The following DCAF7 variants were observed in gnomAD, a reference collection of about 807,000 sequenced individuals.
The protein encoded by DCAF7 is DDB1 and CUL4 associated factor 7, also known as DDB1- and CUL4-associated factor 7.
Under a neutral mutation model 41.2 loss-of-function variants are expected in DCAF7, and 4 were observed. That is an observed-to-expected ratio of 0.10 (90% CI 0.05 to 0.22). The LOEUF (loss-of-function observed/expected upper bound fraction) is 0.22. Ranked by LOEUF, DCAF7 falls within the 10% of genes least tolerant of loss-of-function variation. The probability of loss-of-function intolerance (pLI) is 1.00; values close to 1 mark genes in which losing one functional copy is unlikely to be tolerated. For synonymous variants in DCAF7, 143 were observed against 164.2 expected (o/e 0.87, Z 0.99); for missense variants, 131 against 443.2 (o/e 0.30, Z 6.32).
intron 6 of DCAF7, among the ~76,000 whole-genome samples, chr17:63,585,967 CA>C (rs537034761): frequency 1.3e-5 from 2 of 150,778 alleles, no homozygotes; most frequent in South Asian, 2.1e-4. Context: ...ACTAAAAATA[CA>C]AAAAAAATTA....
intron 1 of DCAF7, among the ~76,000 whole-genome samples, chr17:63,556,695 C>T (rs940856296): frequency 4.6e-5 from 7 of 151,570 alleles, no homozygotes; most frequent in South Asian, 2.1e-4. Context: ...GGTGAAACCC[C>T]GGCTCTACTA....
At chr17:63,577,315 T>C (rs2033573373) in intron 1 of DCAF7, among the ~76,000 whole-genome samples, 1 of 152,246 alleles carries the variant, frequency 6.6e-6, no homozygotes, top group African/African-American at 2.4e-5. Context: ...TACTGGTGTG[T>C]CTGAGACTGA....
At position 63,589,556 on chromosome 17, in the gene DCAF7, C is replaced by T. The variant is rs930168743; in HGVS notation, c.*384C>T. 8 of 277,840 alleles carry T rather than the reference C, an allele frequency of 2.9e-5. No homozygotes were observed. Among genetic ancestry groups the T allele is most frequent in the East Asian group, 1.8e-4 (2 of 10,850 alleles). 17.2% of individuals were successfully genotyped at this position (277,840 alleles called of 1,614,324 possible). A position where few individuals can be genotyped will look rare whatever the true frequency, so the allele number is the denominator to read the frequency against. On this transcript the variant is annotated 3_prime_UTR_variant, in exon 7 of 7. Transcript: ENST00000614556. ...CTGCCCAAGGCAGCAGTTCATGTCT[C>T]GTCCATGTCCATGTTCGTGTTAGCA...
intron 1 of DCAF7, among the ~76,000 whole-genome samples, chr17:63,558,580 C>T (rs1278792079): frequency 6.6e-6 from 1 of 152,148 alleles, no homozygotes; most frequent in Non-Finnish European, 1.5e-5. Context: ...CTCTGTCGCC[C>T]AGGCTAGAGT....
chr17:63,559,425 A>ATGTG (rs2033354846), intron 1 of DCAF7, among the ~76,000 whole-genome samples: 1 of 103,442 alleles, frequency 9.7e-6, no homozygotes, highest in Non-Finnish European at 1.7e-5. Context: ...ATATACGTAT[A>ATGTG]TATATATGTG....
In DCAF7 at chr17:63,589,206, T is replaced by C. The variant is rs768475109; in HGVS notation, c.*34T>C. 2 of 1,611,256 alleles carry C rather than the reference T, an allele frequency of 1.2e-6. No individual in the cohort carries two copies. Among genetic ancestry groups the C allele is most frequent in the Non-Finnish European group, 1.7e-6 (2 of 1,179,410 alleles). ...GCGCTGTGCCCACGAGGCAGGGGCT[T>C]TTGTATTTCCTGCCTCTGCCCCACC... On this transcript the variant is annotated 3_prime_UTR_variant, in exon 7 of 7. Transcript: ENST00000614556.
rs375459452 is a variant in DCAF7 at position 63,579,372 on chromosome 17, A to G, written c.333A>G (p.Leu111=). The G allele has an allele frequency of 1.9e-6, 3 of 1,608,420 alleles. No individual in the cohort carries two copies. Among genetic ancestry groups the G allele is most frequent in the Admixed American group, 3.4e-5 (2 of 59,262 alleles). ...CAGAGACCAGGCTGGAGTGTTTGCT[A>G]AACAATAATAAGAACTCTGATTTCT... is the stretch of plus-strand genomic sequence containing the variant. ...GETETRLECL[L]NNNKNSDFCA... Residue 111 remains leucine (L), a synonymous_variant, in exon 3 of 7, where the codon CTA becomes CTG. Transcript: ENST00000614556.
rs956952700 is a variant in DCAF7 at position 63,576,431 on chromosome 17, G to C, written c.139-2039G>C. ...CATTGCACTCCAGCCTGGGTGACAA[G>C]AGCAAAACTCCGTCTCAAAAGGAAA... On this transcript the variant is annotated intron_variant, in intron 1 of 6. Transcript: ENST00000614556. 3.3e-5 allele frequency among the ~76,000 whole-genome samples: 5 copies of C among 151,976 alleles called. No individual in the cohort carries two copies. The East Asian group carries it at 9.6e-4, about 29-fold the overall frequency.
rs1452776427 is a variant in DCAF7, at chr17:63,579,436, C to T, written c.397C>T (p.Pro133Ser). ...LTSFDWNEVD[P>S]YLLGTSSIDT... ...CTCCTTTGACTGGAATGAGGTGGAT[C>T]CTTATCTTTTAGGTAAGGGAGTTAG... The change falls in exon 3 of 7, where the codon CCT (proline) becomes TCT (serine). Residue 133 changes from proline to serine, a missense_variant. Physicochemically the swap from Pro to Ser is moderately conservative, Grantham distance 74 (BLOSUM62 -1). Transcript: ENST00000614556. 1 of 1,605,772 alleles carries T rather than the reference C, an allele frequency of 6.2e-7. No homozygotes were observed. Among genetic ancestry groups the T allele is most frequent in the Non-Finnish European group, 8.5e-7 (1 of 1,175,604 alleles).
At chr17:63,584,102 G>T (rs745430482) in intron 5 of DCAF7, among the ~76,000 whole-genome samples, 1 of 152,236 alleles carries the variant, frequency 6.6e-6, no homozygotes, top group African/African-American at 2.4e-5. Flanking sequence ...TGCCTATGGT[G>T]CTGAGTGAAA....
chr17:63,566,959 C>CT, intron 1 of DCAF7, among the ~76,000 whole-genome samples: 1 of 146,564 alleles, frequency 6.8e-6, no homozygotes, highest in East Asian at 1.9e-4. Flanking sequence ...TCTATTTAAG[C>CT]TTTTTTCTTT....
At position 63,590,205 on chromosome 17, in the gene DCAF7, A is replaced by G. The variant is rs750167206; in HGVS notation, c.*1033A>G. The G allele has an allele frequency of 2.0e-5, 3 of 152,480 alleles. No individual in the cohort carries two copies. Among genetic ancestry groups the G allele is most frequent in the Non-Finnish European group, 2.9e-5 (2 of 68,074 alleles). 9.4% of individuals were successfully genotyped at this position (152,480 alleles called of 1,614,324 possible). A position where few individuals can be genotyped will look rare whatever the true frequency, so the allele number is the denominator to read the frequency against. ...TGAACTTCGGTGCTTCTGTTGTTTG[A>G]GTTTACTGTGCCTGGTGGTATATTG... On this transcript the variant is annotated 3_prime_UTR_variant, in exon 7 of 7. Transcript: ENST00000614556.
intron 1 of DCAF7, among the ~76,000 whole-genome samples, chr17:63,572,296 G>A (rs184044848): frequency 6.6e-6 from 1 of 152,312 alleles, no homozygotes; most frequent in African/African-American, 2.4e-5. Flanking sequence ...CAGCTAGCAG[G>A]TGGTTAAGTG....
At position 63,589,524 on chromosome 17, in the gene DCAF7, C is replaced by G. The variant is rs960452107; in HGVS notation, c.*352C>G. On this transcript the variant is annotated 3_prime_UTR_variant, in exon 7 of 7. Coordinates refer to ENST00000614556, the MANE Select transcript of DCAF7 (RefSeq NM_005828.5). ...TGTCTATTCCTCTGCCCAGGTGTCT[C>G]TGTTTGCTGCCCAAGGCAGCAGTTC... 3.0e-6 allele frequency: 1 copy of G among 338,208 alleles called. No homozygotes were observed. Among genetic ancestry groups the G allele is most frequent in the African/African-American group, 2.1e-5 (1 of 46,962 alleles). The allele number at this position is 338,208 out of a possible 1,614,324, so 21.0% of individuals were successfully genotyped here.
At chr17:63,579,607 C>A (rs954987480) in intron 3 of DCAF7, among the ~76,000 whole-genome samples, 159 bp downstream of exon 3, 1 of 152,008 alleles carries the variant, frequency 6.6e-6, no homozygotes, top group East Asian at 1.9e-4. Flanking sequence ...GTGAGCTTTC[C>A]GTGTGTATAG....
chr17:63,582,627 C>A (rs1182940151), intron 4 of DCAF7, among the ~76,000 whole-genome samples: 1 of 152,090 alleles, frequency 6.6e-6, no homozygotes, highest in Non-Finnish European at 1.5e-5. Context: ...AGACACCACA[C>A]TCAGCTAATT....
Position 63,559,431 on chromosome 17 carries a change from A to ATGTGTGTG in DCAF7, c.138+8618_138+8625dup, listed in dbSNP as rs1179071331. ...TATGTATATATATACGTATATATAT[A>ATGTGTGTG]TGTGTGTGTATATATATATATATAT... On this transcript the variant is annotated intron_variant, in intron 1 of 6. Coordinates refer to ENST00000614556, the MANE Select transcript of DCAF7 (RefSeq NM_005828.5). 2.8e-4 allele frequency among the ~76,000 whole-genome samples: 28 copies of ATGTGTGTG among 98,286 alleles called. 1 individual carries two copies. The highest frequency in any genetic ancestry group is 1.4e-3 in the African/African-American group (26 of 18,948). 64.5% of individuals were successfully genotyped at this position (98,286 alleles called of 152,430 possible).
At chr17:63,581,693 C>T (rs2033624535) in intron 4 of DCAF7, among the ~76,000 whole-genome samples, 1 of 152,184 alleles carries the variant, frequency 6.6e-6, no homozygotes, top group Non-Finnish European at 1.5e-5. Flanking sequence ...GGAGAAAGGC[C>T]AGGAATGGAT....
intron 6 of DCAF7, among the ~76,000 whole-genome samples, chr17:63,588,312 G>A (rs57278090): frequency 0.018 from 2,747 of 149,150 alleles, 72 homozygotes; most frequent in African/African-American, 0.064. Context: ...CTCAGCCACC[G>A]AAGTAGCTGG....
Sources: gnomAD v4.1 joint callset for allele counts (sites outside exome capture counted in the v4.1 genomes callset) on GRCh38, gnomAD v4.1.1 for gene constraint, MANE v1.5 for transcripts, NCBI Gene and HGNC (gene_info 2026-07-23, HGNC 2026-07-21) for gene names.